The following KSR2 variants were observed in gnomAD, a reference collection of about 807,000 sequenced individuals.
KSR2 encodes kinase suppressor of ras 2.
KSR2 carries 25 observed loss-of-function variants against 107.8 expected under a neutral mutation model. The ratio of observed to expected loss-of-function variants is 0.23; its 90% CI spans 0.17 to 0.32. The LOEUF (loss-of-function observed/expected upper bound fraction) is 0.32, where lower values mean the gene tolerates loss of function less well. Ranked by LOEUF, KSR2 falls within the 10% of genes least tolerant of loss-of-function variation. KSR2 has a pLI of 1.00. For synonymous variants in KSR2, 480 were observed against 507.0 expected (o/e 0.95, Z 0.71); for missense variants, 887 against 1,268.9 (o/e 0.70, Z 4.57).
intron 2 of KSR2, among the ~76,000 whole-genome samples, chr12:117,858,195 T>C (rs1893163730): frequency 6.6e-6 from 1 of 152,168 alleles, no homozygotes; most frequent in Non-Finnish European, 1.5e-5. Context: ...AGAACCAGCT[T>C]GAGGGCCACC....
In KSR2 at chr12:117,485,729, G is replaced by A. The variant is rs146849224; in HGVS notation, c.2220-38C>T. On this transcript the variant is annotated intron_variant, in intron 14 of 19. Coordinates refer to ENST00000339824, the MANE Select transcript of KSR2 (RefSeq NM_173598.6). ...AGGACAAGATAAATTAATGGCAGTC[G>A]TTCAGAAGAAGGTGACCCACAACAG... The A allele has an allele frequency of 3.2e-4, 453 of 1,437,336 alleles. 1 individual carries two copies. Among genetic ancestry groups the A allele is most frequent in the African/African-American group, 3.0e-3 (212 of 71,666 alleles). The allele number at this position is 1,437,336 out of a possible 1,614,324, so 89.0% of individuals were successfully genotyped here.
chr12:117,459,785 T>C lies in KSR2; in HGVS notation c.*7414A>G, dbSNP rs1870802150. ...TTCATGGAACCACTGTCCACATGGA[T>C]GGAATCGGGCTCTAAGCTACCTTTC... On this transcript the variant is annotated 3_prime_UTR_variant, in exon 20 of 20. Transcript: ENST00000339824. 1.3e-5 allele frequency: 2 copies of C among 152,218 alleles called. No homozygotes were observed. Among genetic ancestry groups the C allele is most frequent in the Admixed American group, 1.3e-4 (2 of 15,276 alleles). The allele number at this position is 152,218 out of a possible 1,614,324, so 9.4% of individuals were successfully genotyped here.
chr12:117,735,017 G>A (rs1037914007), intron 4 of KSR2, among the ~76,000 whole-genome samples: 53 of 152,084 alleles, frequency 3.5e-4, no homozygotes, highest in African/African-American at 1.3e-3. Flanking sequence ...GCGTTTCTGG[G>A]GCCTCAGCTG....
chr12:117,553,407 G>A lies in KSR2; in HGVS notation c.1518+1762C>T, dbSNP rs187096438. 1.6e-4 allele frequency among the ~76,000 whole-genome samples: 24 copies of A among 152,264 alleles called. No homozygotes were observed. The East Asian group carries it at 3.5e-3, about 22-fold the overall frequency. On this transcript the variant is annotated intron_variant, in intron 9 of 19. Coordinates refer to ENST00000339824, the MANE Select transcript of KSR2 (RefSeq NM_173598.6). ...TAGATGCAGTCGAAAGCTATTGGAC[G>A]GTTTTTAAGCAGGGCATGACATAAT...
chr12:117,708,577 C>G (rs180696616), intron 4 of KSR2, among the ~76,000 whole-genome samples: 3 of 152,292 alleles, frequency 2.0e-5, no homozygotes, highest in African/African-American at 7.2e-5. Context: ...ATTCACACCC[C>G]CAGCTGATGA....
At chr12:117,633,299 G>A (rs764541847) in intron 5 of KSR2, among the ~76,000 whole-genome samples, 1 of 152,150 alleles carries the variant, frequency 6.6e-6, no homozygotes. Flanking sequence ...CTCTTCTTCT[G>A]GTTCTTCTCA....
chr12:117,516,250 C>T (rs1874370499), intron 14 of KSR2, among the ~76,000 whole-genome samples: 2 of 152,158 alleles, frequency 1.3e-5, no homozygotes, highest in Admixed American at 1.3e-4. Context: ...CTAGTCCCAA[C>T]CTTTCGTCCA....
At chr12:117,494,008 G>A (rs1093302) in intron 14 of KSR2, among the ~76,000 whole-genome samples, 12,464 of 152,158 alleles carry the variant, frequency 0.082, 610 homozygotes, top group East Asian at 0.23. Context: ...CCCAGTCTCC[G>A]GTAGGTCTTT....
chr12:117,601,295 TGG>T lies in KSR2; in HGVS notation c.1172-18938_1172-18937del, dbSNP rs5801243. ...CTTACTTGTTTAGAATCCAAGATCT[TGG>T]GGGGGGGGGTACCTAATTACTAGAT... On this transcript the variant is annotated intron_variant, in intron 5 of 19. Coordinates refer to ENST00000339824, the MANE Select transcript of KSR2 (RefSeq NM_173598.6). Among the ~76,000 whole-genome samples, 955 of 134,358 alleles carry T rather than the reference TGG, an allele frequency of 7.1e-3. 20 individuals carry two copies. Among genetic ancestry groups the T allele is most frequent in the African/African-American group, 0.015 (518 of 33,436 alleles). 88.1% of individuals were successfully genotyped at this position (134,358 alleles called of 152,430 possible).
chr12:117,757,186 A>G (rs1888828017), intron 4 of KSR2, among the ~76,000 whole-genome samples: 1 of 152,230 alleles, frequency 6.6e-6, no homozygotes, highest in African/African-American at 2.4e-5. Context: ...TCCAACCCTC[A>G]TGGATGACTT....
intron 5 of KSR2, among the ~76,000 whole-genome samples, chr12:117,649,230 T>C (rs892223776): frequency 2.6e-5 from 4 of 152,190 alleles, no homozygotes; most frequent in African/African-American, 9.7e-5. Context: ...GAGTTTTGCC[T>C]GCATCCTAGA....
At chr12:117,541,034 G>A (rs2137288429) in intron 9 of KSR2, among the ~76,000 whole-genome samples, 1 of 152,308 alleles carries the variant, frequency 6.6e-6, no homozygotes, top group Middle Eastern at 3.4e-3. Context: ...TCTGTAAAAT[G>A]GGAGTAATGA....
At chr12:117,489,296 G>A (rs1347815921) in intron 14 of KSR2, among the ~76,000 whole-genome samples, 1 of 152,034 alleles carries the variant, frequency 6.6e-6, no homozygotes, top group Non-Finnish European at 1.5e-5. Flanking sequence ...TTTATGATCT[G>A]GATAATTTTG....
At chr12:117,817,897 T>C (rs1434255100) in intron 3 of KSR2, among the ~76,000 whole-genome samples, 1 of 151,976 alleles carries the variant, frequency 6.6e-6, no homozygotes, top group African/African-American at 2.4e-5. Context: ...GGTCAGGAGT[T>C]CAAGACAAGG....
At chr12:117,734,745 C>CATGAATGGATGGATGGATGG (rs1322322640) in intron 4 of KSR2, among the ~76,000 whole-genome samples, 8 of 146,378 alleles carry the variant, frequency 5.5e-5, no homozygotes, top group Non-Finnish European at 1.2e-4. Context: ...TGCATGCATG[C>CATGAATGGATGGATGGATGG]ATGCATGCAT....
rs1896823115 is a variant in KSR2, at chr12:117,967,183, C to T, written c.180+893G>A. 4.0e-5 allele frequency among the ~76,000 whole-genome samples: 6 copies of T among 148,692 alleles called. No individual in the cohort carries two copies. In the South Asian group the frequency reaches 1.3e-3, roughly 31 times the overall value. On this transcript the variant is annotated intron_variant, in intron 1 of 19. Transcript: ENST00000339824. The stretch of plus-strand genomic sequence containing the variant: ...AATGGCCTTCAGAAAAAAATAATTT[C>T]TGCCATCTTCTTTCTGAGTAACTTT...
intron 3 of KSR2, among the ~76,000 whole-genome samples, chr12:117,799,761 G>C (rs1465542617): frequency 6.6e-6 from 1 of 152,028 alleles, no homozygotes; most frequent in Non-Finnish European, 1.5e-5. Context: ...CACAACTAAG[G>C]GTGGTTGTGA....
intron 5 of KSR2, among the ~76,000 whole-genome samples, chr12:117,664,223 C>T (rs2136474004): frequency 6.7e-6 from 1 of 149,374 alleles, no homozygotes; most frequent in South Asian, 2.1e-4. Flanking sequence ...TCTCGCAGCC[C>T]ACTCAAGGTG....
chr12:117,692,026 C>T (rs995891966), intron 4 of KSR2, among the ~76,000 whole-genome samples: 5 of 152,036 alleles, frequency 3.3e-5, no homozygotes, highest in African/African-American at 7.2e-5. Flanking sequence ...TTTGCCTCTG[C>T]GGGGTGTCAC....
Sources: gnomAD v4.1 joint callset for allele counts (sites outside exome capture counted in the v4.1 genomes callset) on GRCh38, gnomAD v4.1.1 for gene constraint, MANE v1.5 for transcripts, NCBI Gene and HGNC (gene_info 2026-07-23, HGNC 2026-07-21) for gene names.